The following IQGAP2 variants were observed in gnomAD, a reference collection of about 807,000 sequenced individuals.
IQGAP2 encodes ras GTPase-activating-like protein IQGAP2.
Under a neutral mutation model 201.3 loss-of-function variants are expected in IQGAP2, and 173 were observed. The observed-to-expected ratio is 0.86, with a 90% confidence interval of 0.76 to 0.98. The LOEUF (loss-of-function observed/expected upper bound fraction) is 0.98, where lower values mean the gene tolerates loss of function less well. Ranked by LOEUF, IQGAP2 falls within the 50% of genes least tolerant of loss-of-function variation. The pLI is 0.00. For synonymous variants in IQGAP2, 675 were observed against 673.9 expected (o/e 1.00, Z -0.03); for missense variants, 1,687 against 1,864.8 (o/e 0.90, Z 1.76).
intron 2 of IQGAP2, among the ~76,000 whole-genome samples, chr5:76,551,149 G>T (rs544871067): frequency 5.4e-4 from 77 of 142,306 alleles, no homozygotes; most frequent in Non-Finnish European, 2.9e-4. Flanking sequence ...GGGCAGAGAC[G>T]CTCCTCACCT....
intron 2 of IQGAP2, among the ~76,000 whole-genome samples, chr5:76,535,134 T>C (rs1353792924): frequency 6.6e-6 from 1 of 152,074 alleles, no homozygotes; most frequent in East Asian, 1.9e-4. Context: ...CTGGGCATGA[T>C]GCTGAGGGCA....
intron 2 of IQGAP2, among the ~76,000 whole-genome samples, chr5:76,497,156 T>C (rs1757038535): frequency 6.6e-6 from 1 of 152,092 alleles, no homozygotes; most frequent in Admixed American, 6.6e-5. Flanking sequence ...AAACATTTGG[T>C]TGATAAAAAT....
chr5:76,676,216 G>C (rs1744805616), intron 27 of IQGAP2, among the ~76,000 whole-genome samples: 2 of 151,750 alleles, frequency 1.3e-5, no homozygotes, highest in Admixed American at 1.3e-4. Context: ...TATTTAAAAA[G>C]AAACAAGACC....
At chr5:76,697,919 G>T in intron 32 of IQGAP2, 68 bp from the exon 33 acceptor site, 2 of 1,233,984 alleles carry the variant, frequency 1.6e-6, no homozygotes, top group Admixed American at 4.3e-5. Context: ...TATTCTTCTT[G>T]TCCCAAACTG....
chr5:76,410,313 A>T (rs567136578), intron 1 of IQGAP2, among the ~76,000 whole-genome samples: 2 of 152,212 alleles, frequency 1.3e-5, no homozygotes, highest in South Asian at 4.1e-4. Flanking sequence ...TCTTCTATTT[A>T]TATAGGCAAT....
At chr5:76,582,034 C>T (rs1056225467) in intron 5 of IQGAP2, among the ~76,000 whole-genome samples, 1 of 152,194 alleles carries the variant, frequency 6.6e-6, no homozygotes, top group African/African-American at 2.4e-5. Context: ...AAATACTGTA[C>T]TGGTATAATC....
At chr5:76,496,702 CTCTTTCTTTCTTTCTTTCTTTCTTTTCTT>C (rs200462908) in intron 2 of IQGAP2, among the ~76,000 whole-genome samples, 5,401 of 81,020 alleles carry the variant, frequency 0.067, 514 homozygotes, top group South Asian at 0.11. Flanking sequence ...TTCTTTCTGT[CTCTTTCTTTCTTTCTTTCTTTCTTTTCTT>C]TCTTTCTTTC....
At chr5:76,509,348 ACTCT>A (rs1757812803) in intron 2 of IQGAP2, among the ~76,000 whole-genome samples, 1 of 149,446 alleles carries the variant, frequency 6.7e-6, no homozygotes, top group South Asian at 2.1e-4. Context: ...TACCTTATAA[ACTCT>A]CTCTTTTATA....
Position 76,454,562 on chromosome 5 carries a change from AAT to A in IQGAP2, c.47-7006_47-7005del, listed in dbSNP as rs201987486. Among the ~76,000 whole-genome samples, 142 of 151,534 alleles carry A rather than the reference AAT, an allele frequency of 9.4e-4. 1 individual carries two copies. The highest frequency in any genetic ancestry group is 6.9e-3 in the East Asian group (35 of 5,078). On this transcript the variant is annotated intron_variant, in intron 1 of 35. Transcript: ENST00000274364. ...CGGTGTTTGGTTTTTTTGTCCTTGC[AAT>A]AGTTTGCTGAGAATGATGGTTTCCA... is the stretch of plus-strand genomic sequence containing the variant.
chr5:76,618,853 G>C (rs553275985), intron 13 of IQGAP2, among the ~76,000 whole-genome samples: 1 of 152,256 alleles, frequency 6.6e-6, no homozygotes, highest in East Asian at 1.9e-4. Flanking sequence ...AAAACTAAAT[G>C]ATCAGTCCTT....
At chr5:76,440,531 T>C (rs1182793116) in intron 1 of IQGAP2, among the ~76,000 whole-genome samples, 6 of 152,172 alleles carry the variant, frequency 3.9e-5, no homozygotes, top group Admixed American at 1.3e-4. Flanking sequence ...AAAGATAGGA[T>C]ATTTATTTCT....
intron 1 of IQGAP2, among the ~76,000 whole-genome samples, chr5:76,438,041 T>TTG (rs1752817264): frequency 3.5e-5 from 5 of 141,018 alleles, no homozygotes; most frequent in Non-Finnish European, 1.5e-5. Context: ...GTTTGTTTTT[T>TTG]TTTTTGTTTT....
intron 17 of IQGAP2, among the ~76,000 whole-genome samples, chr5:76,647,226 A>G (rs1752117782): frequency 1.3e-5 from 2 of 152,238 alleles, no homozygotes; most frequent in African/African-American, 4.8e-5. Context: ...TTAAAAGTGA[A>G]GAGAAAAAAG....
intron 2 of IQGAP2, among the ~76,000 whole-genome samples, chr5:76,496,702 C>CT (rs1554061521): frequency 3.7e-5 from 3 of 81,116 alleles, no homozygotes; most frequent in East Asian, 3.4e-4. Context: ...TTCTTTCTGT[C>CT]TCTTTCTTTC....
At chr5:76,550,795 C>T (rs1034983493) in intron 2 of IQGAP2, among the ~76,000 whole-genome samples, 6 of 152,228 alleles carry the variant, frequency 3.9e-5, no homozygotes, top group Admixed American at 3.9e-4. Flanking sequence ...CTTTCTTTTC[C>T]CCACATTTCC....
intron 21 of IQGAP2, among the ~76,000 whole-genome samples, chr5:76,662,925 CCT>C (rs1743393339): frequency 6.6e-6 from 1 of 152,302 alleles, no homozygotes; most frequent in East Asian, 1.9e-4. Context: ...GTCAAGGCTG[CCT>C]CTCTCTGAAT....
chr5:76,420,059 A>G (rs1000446975), intron 1 of IQGAP2, among the ~76,000 whole-genome samples: 3 of 152,094 alleles, frequency 2.0e-5, no homozygotes, highest in Non-Finnish European at 4.4e-5. Context: ...CTCCCTCTCA[A>G]TGCAATGACC....
At chr5:76,480,054 A>G (rs1755681400) in intron 2 of IQGAP2, among the ~76,000 whole-genome samples, 1 of 151,896 alleles carries the variant, frequency 6.6e-6, no homozygotes, top group South Asian at 2.1e-4. Flanking sequence ...GAGGAAGAGA[A>G]TTGAAGGGAC....
intron 14 of IQGAP2, 67 bp downstream of exon 14, chr5:76,627,567 G>C (rs1249226074): frequency 4.7e-6 from 4 of 853,928 alleles, no homozygotes; most frequent in Admixed American, 2.1e-5. Context: ...CTGAAGTCAT[G>C]TGATTTTTAA....
Sources: gnomAD v4.1 joint callset for allele counts (sites outside exome capture counted in the v4.1 genomes callset) on GRCh38, gnomAD v4.1.1 for gene constraint, MANE v1.5 for transcripts, NCBI Gene and HGNC (gene_info 2026-07-23, HGNC 2026-07-21) for gene names.